The following FKBP5 variants were observed in gnomAD, a reference collection of about 807,000 sequenced individuals.
The protein encoded by FKBP5 is peptidyl-prolyl cis-trans isomerase FKBP5.
A neutral mutation model predicts 50.5 loss-of-function variants in FKBP5; 23 were observed. The observed-to-expected ratio is 0.46, with a 90% confidence interval of 0.33 to 0.65. The LOEUF (loss-of-function observed/expected upper bound fraction) is 0.65. FKBP5 is among the 30% of genes least tolerant of loss of function. FKBP5 has a pLI of 0.02. For synonymous variants in FKBP5, 176 were observed against 190.6 expected, an observed-to-expected ratio of 0.92 and a Z score of 0.63; for missense variants, 411 against 553.1, an observed-to-expected ratio of 0.74 and a Z score of 2.58.
intron 2 of FKBP5, among the ~76,000 whole-genome samples, chr6:35,716,134 C>T (rs1376936349): frequency 6.6e-6 from 1 of 152,022 alleles, no homozygotes; most frequent in Non-Finnish European, 1.5e-5. Flanking sequence ...CAACTCAAGA[C>T]GCCGAGGTAG....
intron 1 of FKBP5, among the ~76,000 whole-genome samples, chr6:35,672,784 A>C (rs2151005630): frequency 6.6e-6 from 1 of 151,772 alleles, no homozygotes; most frequent in Non-Finnish European, 1.5e-5. Flanking sequence ...ACAAAAAATT[A>C]GCTGGCGTAG....
intron 9 of FKBP5, among the ~76,000 whole-genome samples, chr6:35,578,800 C>T (rs980714750): frequency 3.3e-5 from 5 of 149,782 alleles, no homozygotes; most frequent in East Asian, 1.9e-4. Flanking sequence ...ATAAGGAGAA[C>T]AGGCTTCCTA....
chr6:35,636,908 A>C (rs1764322965), intron 3 of FKBP5, 106 bp downstream of exon 3: 1 of 1,018,086 alleles, frequency 9.8e-7, no homozygotes. Flanking sequence ...GAGTACTACT[A>C]CTCTAAAATT....
chr6:35,704,720 T>G (rs77399846), intron 2 of FKBP5, among the ~76,000 whole-genome samples: 2 of 148,364 alleles, frequency 1.3e-5, no homozygotes, highest in African/African-American at 5.0e-5. Context: ...TTTTTTTTTT[T>G]GCCTTGACAA....
chr6:35,637,947 C>A (rs749975203), intron 2 of FKBP5, among the ~76,000 whole-genome samples: 1 of 152,158 alleles, frequency 6.6e-6, no homozygotes, highest in African/African-American at 2.4e-5. Flanking sequence ...TTTCAGAAAG[C>A]CCAATTTCCT....
At chr6:35,691,272 A>C (rs1765982753), upstream of FKBP5, among the ~76,000 whole-genome samples, 1 of 152,304 alleles carries the variant, frequency 6.6e-6, no homozygotes. Flanking sequence ...GTCACCTGAC[A>C]GTAGAGCTGA....
At chr6:35,650,572 C>G (rs1469367670) in intron 1 of FKBP5, among the ~76,000 whole-genome samples, 1 of 152,052 alleles carries the variant, frequency 6.6e-6, no homozygotes, top group Non-Finnish European at 1.5e-5. Context: ...CTCCTAGGTT[C>G]AAATGATACT....
At chr6:35,655,456 G>A (rs1581856985) in intron 1 of FKBP5, among the ~76,000 whole-genome samples, 2 of 152,156 alleles carry the variant, frequency 1.3e-5, no homozygotes, top group Non-Finnish European at 2.9e-5. Context: ...ATTCACTAGG[G>A]CCAAAGAGTT....
intron 2 of FKBP5, among the ~76,000 whole-genome samples, chr6:35,710,646 TCCCAAGA>T (rs1581900152): frequency 1.3e-5 from 2 of 152,104 alleles, no homozygotes; most frequent in East Asian, 3.9e-4. Context: ...GCAATTCTGC[TCCCAAGA>T]CAAATAAAAA....
intron 8 of FKBP5, chr6:35,583,755 T>C (rs1234884185): frequency 2.0e-6 from 2 of 984,518 alleles, no homozygotes; most frequent in African/African-American, 3.5e-5. Flanking sequence ...AGTACTGAGG[T>C]TGAAAAATTC....
At chr6:35,588,324 T>C (rs533778527) in intron 7 of FKBP5, among the ~76,000 whole-genome samples, 1 of 152,252 alleles carries the variant, frequency 6.6e-6, no homozygotes, top group Admixed American at 6.5e-5. Context: ...GACTATCCTC[T>C]ACTTTTTAAA....
intron 4 of FKBP5, among the ~76,000 whole-genome samples, chr6:35,619,558 T>C (rs531755531): frequency 7.4e-4 from 112 of 152,340 alleles, no homozygotes; most frequent in African/African-American, 2.5e-3. Flanking sequence ...TTTCCCATCC[T>C]GGGTTTATGG....
At chr6:35,688,455 C>G (rs1390197188) in intron 1 of FKBP5, among the ~76,000 whole-genome samples, 1 of 151,888 alleles carries the variant, frequency 6.6e-6, no homozygotes, top group African/African-American at 2.4e-5. Flanking sequence ...AAACAAAAGC[C>G]CAGTGAGGAC....
At chr6:35,678,360 G>A (rs1446791864) in intron 1 of FKBP5, among the ~76,000 whole-genome samples, 1 of 151,964 alleles carries the variant, frequency 6.6e-6, no homozygotes, top group Non-Finnish European at 1.5e-5. Flanking sequence ...GTAGGTTTGG[G>A]GCCTAAAAAA....
At chr6:35,577,289 C>T in intron 9 of FKBP5, 56 bp from the exon 10 acceptor site, 1 of 1,477,570 alleles carries the variant, frequency 6.8e-7, no homozygotes, top group Non-Finnish European at 9.1e-7. Flanking sequence ...ATTCAGTAAA[C>T]AGCTTACCAA....
chr6:35,576,948 T>TG (rs776885920), intron 10 of FKBP5, 46 bp downstream of exon 10: 1 of 1,600,534 alleles, frequency 6.2e-7, no homozygotes, highest in East Asian at 2.2e-5. Flanking sequence ...CAAAGGGGCA[T>TG]GGTCAGGCTC....
chr6:35,606,666 A>C (rs1396531920), intron 5 of FKBP5, among the ~76,000 whole-genome samples: 1 of 95,016 alleles, frequency 1.1e-5, no homozygotes. Flanking sequence ...TCTCAAAAAA[A>C]AAAAAAAAAA....
rs766438856 is a variant in FKBP5, at chr6:35,620,258, T to A, written c.267A>T (p.Ala89=). The change falls in exon 4 of 11, where the codon GCA becomes GCT. Residue 89 remains alanine (A), a synonymous_variant. Coordinates refer to ENST00000357266, the MANE Select transcript of FKBP5 (RefSeq NM_004117.4). Reference sequence around the variant, plus strand: ...TCATGGTAGCCACCCCAATGTCCCATGCCTTGATGACTTGGCCTAAGGGAA... The same window carrying A: ...TCATGGTAGCCACCCCAATGTCCCAAGCCTTGATGACTTGGCCTAAGGGAA... The part of the protein sequence containing the change: ...FSLGKGQVIK[A]WDIGVATMKK... The A allele has an allele frequency of 2.5e-6, 4 of 1,614,140 alleles. No individual in the cohort carries two copies. Among genetic ancestry groups the A allele is most frequent in the Non-Finnish European group, 3.4e-6 (4 of 1,180,000 alleles).
At chr6:35,658,927 C>T (rs1765030878) in intron 1 of FKBP5, among the ~76,000 whole-genome samples, 1 of 81,654 alleles carries the variant, frequency 1.2e-5, no homozygotes, top group Admixed American at 1.3e-4. Flanking sequence ...CAAAAATTAG[C>T]TGAGCATGGT....
Sources: gnomAD v4.1 joint callset for allele counts (sites outside exome capture counted in the v4.1 genomes callset) on GRCh38, gnomAD v4.1.1 for gene constraint, MANE v1.5 for transcripts, NCBI Gene and HGNC (gene_info 2026-07-23, HGNC 2026-07-21) for gene names.